Variants in POT1 observed in about 807,000 individuals in gnomAD.
POT1 encodes protection of telomeres 1.
In POT1, 47 loss-of-function variants were observed where a neutral mutation model predicts 78.5. The observed-to-expected ratio is 0.60, with a 90% confidence interval of 0.47 to 0.76. POT1 has a LOEUF of 0.76. Ranked by LOEUF, POT1 falls within the 30% of genes least tolerant of loss-of-function variation. The probability of loss-of-function intolerance (pLI) is 0.00; values close to 1 mark genes in which losing one functional copy is unlikely to be tolerated. For synonymous variants in POT1, 259 were observed against 260.7 expected, an observed-to-expected ratio of 0.99 and a Z score of 0.06; for missense variants, 646 against 749.9, an observed-to-expected ratio of 0.86 and a Z score of 1.62.
At chr7:124,834,450 T>C (rs1794843855) in intron 15 of POT1, among the ~76,000 whole-genome samples, 1 of 152,114 alleles carries the variant, frequency 6.6e-6, no homozygotes, top group Admixed American at 6.6e-5. Flanking sequence ...AACAGACAGT[T>C]CTTAAAAGGA....
At chr7:124,873,279 T>C (rs1459675869) in intron 6 of POT1, among the ~76,000 whole-genome samples, 1 of 152,212 alleles carries the variant, frequency 6.6e-6, no homozygotes, top group Non-Finnish European at 1.5e-5. Flanking sequence ...AGTAGGTTCA[T>C]AGTACTACAT....
intron 5 of POT1, among the ~76,000 whole-genome samples, chr7:124,895,980 G>A (rs1246207420): frequency 1.3e-5 from 2 of 151,560 alleles, no homozygotes; most frequent in Non-Finnish European, 3.0e-5. Context: ...CACTTGAAAA[G>A]CAAACTTTCT....
intron 6 of POT1, among the ~76,000 whole-genome samples, chr7:124,879,517 C>T (rs1401580342): frequency 6.6e-6 from 1 of 151,982 alleles, no homozygotes; most frequent in Non-Finnish European, 1.5e-5. Context: ...TGTAGATATC[C>T]TCTTAGTTTG....
intron 6 of POT1, among the ~76,000 whole-genome samples, chr7:124,877,175 T>C (rs1346741731): frequency 6.6e-6 from 1 of 152,198 alleles, no homozygotes; most frequent in Non-Finnish European, 1.5e-5. Context: ...GTGAAGCAGA[T>C]TAACATCAGA....
chr7:124,925,603 AC>A (rs970915261), intron 2 of POT1, among the ~76,000 whole-genome samples: 91 of 152,262 alleles, frequency 6.0e-4, no homozygotes, highest in African/African-American at 2.0e-3. Context: ...TTAGAAAAAA[AC>A]AATTCTAAAG....
At chr7:124,878,449 T>C (rs1477040226) in intron 6 of POT1, among the ~76,000 whole-genome samples, 1 of 152,190 alleles carries the variant, frequency 6.6e-6, no homozygotes, top group Non-Finnish European at 1.5e-5. Flanking sequence ...TAATGATGTA[T>C]TGCATATTTC....
intron 3 of POT1, among the ~76,000 whole-genome samples, chr7:124,913,099 C>T (rs545730611): frequency 3.9e-5 from 6 of 152,186 alleles, no homozygotes; most frequent in East Asian, 1.9e-4. Context: ...CATCTGATCC[C>T]GTGAAACTCC....
intron 3 of POT1, among the ~76,000 whole-genome samples, chr7:124,908,605 T>C (rs1434874872): frequency 1.5e-5 from 2 of 132,116 alleles, no homozygotes; most frequent in African/African-American, 5.8e-5. Flanking sequence ...ATTCTACTAT[T>C]CAATATTCAT....
intron 2 of POT1, among the ~76,000 whole-genome samples, chr7:124,916,884 T>C (rs541281427): frequency 1.6e-4 from 25 of 152,280 alleles, no homozygotes; most frequent in African/African-American, 5.3e-4. Context: ...CAGCAGCAGT[T>C]ACTGCACGAA....
rs181958869 is a variant in POT1, at chr7:124,919,186, G to A, written c.-226-3540C>T. Among the ~76,000 whole-genome samples the A allele has an allele frequency of 5.9e-5, 9 of 152,178 alleles. No homozygotes were observed. In the East Asian group the frequency reaches 1.7e-3, roughly 29 times the overall value. On this transcript the variant is annotated intron_variant, in intron 2 of 18. Coordinates refer to ENST00000357628, the MANE Select transcript of POT1 (RefSeq NM_015450.3). The stretch of plus-strand genomic sequence containing the variant: ...GTAGGCAATTATAAGACAATGGTAA[G>A]TATGTATGTATCTAAACATATAAAA...
At chr7:124,916,045 T>C (rs955944939) in intron 2 of POT1, among the ~76,000 whole-genome samples, 2 of 152,180 alleles carry the variant, frequency 1.3e-5, no homozygotes, top group African/African-American at 4.8e-5. Context: ...AAATCTCATA[T>C]AGTGTGGACA....
chr7:124,870,810 T>C (rs1347731719), intron 7 of POT1, 101 bp downstream of exon 7: 15 of 972,278 alleles, frequency 1.5e-5, no homozygotes, highest in Non-Finnish European at 2.1e-5. Context: ...CTTGCTGTCA[T>C]GTTCTAACAA....
At chr7:124,892,566 G>A (rs1796396674) in intron 5 of POT1, 186 bp from the exon 6 acceptor site, 5 of 368,982 alleles carry the variant, frequency 1.4e-5, no homozygotes, top group Non-Finnish European at 2.4e-5. Flanking sequence ...TTAGAACTTT[G>A]TTTATAAATG....
intron 6 of POT1, among the ~76,000 whole-genome samples, chr7:124,873,428 C>A (rs1000460444): frequency 6.6e-5 from 10 of 152,266 alleles, no homozygotes; most frequent in Non-Finnish European, 1.3e-4. Flanking sequence ...TGGAACCACC[C>A]TTGAATACCT....
intron 15 of POT1, among the ~76,000 whole-genome samples, chr7:124,832,529 C>T (rs796924652): frequency 2.6e-5 from 4 of 152,042 alleles, no homozygotes; most frequent in African/African-American, 9.6e-5. Flanking sequence ...AAGTCAACAG[C>T]CTTGGTTGGG....
intron 6 of POT1, among the ~76,000 whole-genome samples, chr7:124,880,647 G>A (rs1796096062): frequency 6.6e-6 from 1 of 151,928 alleles, no homozygotes; most frequent in Admixed American, 6.6e-5. Context: ...CTTTCCAAAA[G>A]ATGACCTAAC....
intron 11 of POT1, chr7:124,848,626 G>A (rs961263607): frequency 1.9e-4 from 37 of 192,342 alleles, no homozygotes; most frequent in Admixed American, 1.0e-3. Context: ...CCGTGCCACT[G>A]AACTCCAGCC....
intron 3 of POT1, among the ~76,000 whole-genome samples, chr7:124,906,918 C>G (rs905766177): frequency 2.8e-4 from 43 of 152,126 alleles, no homozygotes; most frequent in Middle Eastern, 6.8e-3. Context: ...TATAAACACT[C>G]ATTAGATCGA....
rs191242507 is a variant in POT1, at chr7:124,854,037, T to A, written c.703-899A>T. 4.6e-3 allele frequency among the ~76,000 whole-genome samples: 703 copies of A among 152,062 alleles called. 7 individuals are homozygous for A. The highest frequency in any genetic ancestry group is 0.016 in the African/African-American group (674 of 41,546). ...ACTGGATGACTATAGGGATACCACT[T>A]TTTTTCCCCTACAAGTTCAGGATTG... On this transcript the variant is annotated intron_variant, in intron 9 of 18. Coordinates refer to ENST00000357628, the MANE Select transcript of POT1 (RefSeq NM_015450.3).
Sources: gnomAD v4.1 joint callset for allele counts (sites outside exome capture counted in the v4.1 genomes callset) on GRCh38, gnomAD v4.1.1 for gene constraint, MANE v1.5 for transcripts, NCBI Gene and HGNC (gene_info 2026-07-23, HGNC 2026-07-21) for gene names.